LDB2: variants seen among roughly 807,000 people sequenced by gnomAD.
LDB2 encodes the protein LIM domain-binding protein 2.
LDB2 carries 12 observed loss-of-function variants against 44.3 expected under a neutral mutation model. The ratio of observed to expected loss-of-function variants is 0.27; its 90% CI spans 0.17 to 0.44. The LOEUF (loss-of-function observed/expected upper bound fraction) is 0.44, where lower values mean the gene tolerates loss of function less well. Ranked by LOEUF, LDB2 falls within the 20% of genes least tolerant of loss-of-function variation. LDB2 has a pLI of 1.00. For missense variants in LDB2, 344 were observed against 473.5 expected, an observed-to-expected ratio of 0.73 and a Z score of 2.54; for synonymous variants, 164 against 174.8, an observed-to-expected ratio of 0.94 and a Z score of 0.49.
At chr4:16,660,917 AC>A (rs1408379426) in intron 2 of LDB2, among the ~76,000 whole-genome samples, 1 of 152,190 alleles carries the variant, frequency 6.6e-6, no homozygotes, top group Non-Finnish European at 1.5e-5. Context: ...TCCTAGAAAT[AC>A]CAGGAATATA....
At chr4:16,550,757 G>A (rs1737377307) in intron 5 of LDB2, among the ~76,000 whole-genome samples, 1 of 152,202 alleles carries the variant, frequency 6.6e-6, no homozygotes, top group Non-Finnish European at 1.5e-5. Flanking sequence ...TCCTGGATCT[G>A]TGCCTTTGAG....
intron 2 of LDB2, among the ~76,000 whole-genome samples, chr4:16,610,486 C>T (rs1725303004): frequency 6.6e-6 from 1 of 152,028 alleles, no homozygotes; most frequent in African/African-American, 2.4e-5. Flanking sequence ...AGAGGAATTG[C>T]TAACTAGAAT....
At chr4:16,728,418 GGATA>G (rs1163618102) in intron 2 of LDB2, among the ~76,000 whole-genome samples, 1 of 152,030 alleles carries the variant, frequency 6.6e-6, no homozygotes, top group East Asian at 1.9e-4. Flanking sequence ...CTAGATGGAT[GGATA>G]GATAATTAAA....
At chr4:16,765,479 T>C (rs755738576) in intron 1 of LDB2, among the ~76,000 whole-genome samples, 9 of 152,244 alleles carry the variant, frequency 5.9e-5, no homozygotes, top group Non-Finnish European at 1.3e-4. Flanking sequence ...CAATAGAGCG[T>C]ATATGAAATT....
intron 5 of LDB2, among the ~76,000 whole-genome samples, chr4:16,562,184 A>G (rs975563428): frequency 6.6e-6 from 1 of 152,218 alleles, no homozygotes; most frequent in Non-Finnish European, 1.5e-5. Flanking sequence ...CTAAAACACC[A>G]AAAGCAATGG....
chr4:16,652,573 A>C (rs1399464318), intron 2 of LDB2, among the ~76,000 whole-genome samples: 2 of 152,190 alleles, frequency 1.3e-5, no homozygotes, highest in Non-Finnish European at 1.5e-5. Context: ...TCCTGCACAG[A>C]AACAGCTCTG....
intron 5 of LDB2, among the ~76,000 whole-genome samples, chr4:16,525,071 A>G (rs1727713343): frequency 2.0e-5 from 3 of 152,224 alleles, no homozygotes; most frequent in South Asian, 4.1e-4. Context: ...GAACATGACT[A>G]TCTTGTTCAT....
At chr4:16,566,329 G>A (rs1387899786) in intron 5 of LDB2, among the ~76,000 whole-genome samples, 2 of 151,874 alleles carry the variant, frequency 1.3e-5, no homozygotes, top group African/African-American at 2.4e-5. Context: ...AGAACACAAA[G>A]CCAAAAAATA....
At chr4:16,641,956 G>T (rs1445786100) in intron 2 of LDB2, among the ~76,000 whole-genome samples, 1 of 152,152 alleles carries the variant, frequency 6.6e-6, no homozygotes, top group Non-Finnish European at 1.5e-5. Flanking sequence ...AACTAAAGTG[G>T]GGGAGGGGGC....
chr4:16,891,942 G>A (rs1723533223), intron 1 of LDB2, among the ~76,000 whole-genome samples: 1 of 152,176 alleles, frequency 6.6e-6, no homozygotes, highest in Non-Finnish European at 1.5e-5. Context: ...CCGTCTATTT[G>A]ACCTTGGACA....
In LDB2 at chr4:16,859,852, T is replaced by C. The variant is rs115649339; in HGVS notation, c.132+38502A>G. Among the ~76,000 whole-genome samples the C allele has an allele frequency of 3.4e-3, 519 of 152,352 alleles. 1 individual carries two copies. The highest frequency in any genetic ancestry group is 0.011 in the African/African-American group (469 of 41,582). On this transcript the variant is annotated intron_variant, in intron 1 of 7. Transcript: ENST00000304523. ...CAGTGATACAGATAATTATAAAAAG[T>C]GACATATATTGAACGTTTAAAATTT...
Position 16,582,029 on chromosome 4 carries a change from G to GGAAC in LDB2, c.615+3892_615+3893insGTTC, listed in dbSNP as rs1714866833. 6.9e-6 allele frequency among the ~76,000 whole-genome samples: 1 copy of GGAAC among 145,688 alleles called. No individual in the cohort carries two copies. Among genetic ancestry groups the GGAAC allele is most frequent in the South Asian group, 2.1e-4 (1 of 4,660 alleles). On this transcript the variant is annotated intron_variant, in intron 5 of 7. Coordinates refer to ENST00000304523, the MANE Select transcript of LDB2 (RefSeq NM_001290.5). This position sits in a 1 kb window ranked among gnomAD's most constrained non-coding sequence, Gnocchi z 4.8. ...AGGAAGGAAGGAAGGAAGGAAGGAA[G>GGAAC]GAAGGAAGGAAGGAAGGAAGGAAAA...
At chr4:16,593,899 A>T (rs1441634932) in intron 3 of LDB2, among the ~76,000 whole-genome samples, 2 of 152,344 alleles carry the variant, frequency 1.3e-5, no homozygotes, top group African/African-American at 4.8e-5. Context: ...TTCGATCTAA[A>T]ACAAGTCCCA....
At position 16,711,365 on chromosome 4, in the gene LDB2, A is replaced by T. The variant is rs535444805; in HGVS notation, c.235+47793T>A. Among the ~76,000 whole-genome samples the T allele has an allele frequency of 2.0e-5, 3 of 152,326 alleles. No individual in the cohort carries two copies. The South Asian group carries it at 6.2e-4, about 32-fold the overall frequency. On this transcript the variant is annotated intron_variant, in intron 2 of 7. Transcript: ENST00000304523. ...TGTGCTGGGCTCTCTCGCGTGCTCA[A>T]AGAAGGTAAAGCATGTGCACCATTG... is the stretch of plus-strand genomic sequence containing the variant.
chr4:16,891,742 C>T (rs1027515432), intron 1 of LDB2, among the ~76,000 whole-genome samples: 1 of 152,190 alleles, frequency 6.6e-6, no homozygotes, highest in Non-Finnish European at 1.5e-5. Flanking sequence ...AGTTGAGACA[C>T]ATCTAGCAGA....
intron 5 of LDB2, among the ~76,000 whole-genome samples, chr4:16,542,222 A>G (rs767101533): frequency 6.6e-6 from 1 of 152,098 alleles, no homozygotes; most frequent in Non-Finnish European, 1.5e-5. Context: ...ACTTGGGAAA[A>G]GGCAGTGAGC....
At chr4:16,777,914 C>T (rs771640104) in intron 1 of LDB2, among the ~76,000 whole-genome samples, 20 of 152,160 alleles carry the variant, frequency 1.3e-4, no homozygotes, top group South Asian at 2.1e-4. Flanking sequence ...AGCTTACCAA[C>T]GCCTGACTGG....
chr4:16,877,825 G>T (rs1487514877), intron 1 of LDB2, among the ~76,000 whole-genome samples: 1 of 152,190 alleles, frequency 6.6e-6, no homozygotes, highest in East Asian at 1.9e-4. Context: ...ACCTAAAGAA[G>T]AGGAAAGGGG....
chr4:16,690,831 C>A (rs1013692900), intron 2 of LDB2, among the ~76,000 whole-genome samples: 1 of 152,134 alleles, frequency 6.6e-6, no homozygotes, highest in Non-Finnish European at 1.5e-5. Flanking sequence ...AAACCTTAAA[C>A]TCCATTGTTG....
Sources: allele counts gnomAD v4.1 joint callset (sites outside exome capture counted in the v4.1 genomes callset), GRCh38; gene constraint gnomAD v4.1.1; non-coding constraint Gnocchi (gnomAD v3.1); transcripts MANE v1.5; gene names NCBI Gene and HGNC (gene_info 2026-07-23, HGNC 2026-07-21).